MON2: variants seen among roughly 807,000 people sequenced by gnomAD.
MON2 encodes MON2 regulator of endosome-to-Golgi trafficking.
A neutral mutation model predicts 208.6 loss-of-function variants in MON2; 84 were observed. The observed-to-expected ratio is 0.40, with a 90% CI of 0.34 to 0.48. The LOEUF is 0.48. MON2 is among the 20% of genes least tolerant of loss of function. The pLI, the probability that MON2 is intolerant of heterozygous loss-of-function variation, is 0.59. For missense variants in MON2, 1,611 were observed against 2,015.4 expected, an observed-to-expected ratio of 0.80 and a Z score of 3.84; for synonymous variants, 660 against 694.0, an observed-to-expected ratio of 0.95 and a Z score of 0.77.
chr12:62,515,825 A>G (rs1022783772), intron 8 of MON2, among the ~76,000 whole-genome samples: 4 of 152,166 alleles, frequency 2.6e-5, no homozygotes, highest in African/African-American at 9.7e-5. Context: ...CAGGAAAAAA[A>G]AAAAAGTTCT....
Position 62,580,300 on chromosome 12 carries a change from G to A in MON2, c.4579G>A (p.Val1527Ile), listed in dbSNP as rs772059560. The stretch of plus-strand genomic sequence containing the variant: ...GCATTTGCCTCTTTTGTTTTAGGTA[G>A]TTCAACTTATCAGCAATGAGATACT... Reference protein sequence around the residue: ...QRNENIDVEVVQLISNEILPY... With the variant: ...QRNENIDVEVIQLISNEILPY... The change falls in exon 32 of 35, where the codon GTT becomes ATT. Residue 1527 changes from valine to isoleucine, a missense_variant. Coordinates refer to ENST00000393630, the MANE Select transcript of MON2 (RefSeq NM_015026.3). 14 of 1,609,700 alleles carry A rather than the reference G, an allele frequency of 8.7e-6. No homozygotes were observed. Among genetic ancestry groups the A allele is most frequent in the South Asian group, 2.2e-5 (2 of 90,218 alleles).
chr12:62,489,932 A>G (rs2070022718), intron 2 of MON2: 2 of 528,480 alleles, frequency 3.8e-6, no homozygotes, highest in Admixed American at 4.4e-5. Context: ...TAAGAATTGA[A>G]GTTTATTTTT....
In MON2 at chr12:62,518,050, A is replaced by T. The variant is rs73323300; in HGVS notation, c.985-6465A>T. 5.5e-3 allele frequency among the ~76,000 whole-genome samples: 839 copies of T among 152,302 alleles called. 9 individuals carry two copies. The highest frequency in any genetic ancestry group is 0.019 in the African/African-American group (789 of 41,562). On this transcript the variant is annotated intron_variant, in intron 8 of 34. Transcript: ENST00000393630. ...AAGTCTAAGATCAAGCTACTAGCAT[A>T]TCTGGTGTCTGGTAAGGGTGTACTT...
chr12:62,467,406 T>A (rs2068569910), intron 1 of MON2, 88 bp downstream of exon 1: 2 of 1,096,106 alleles, frequency 1.8e-6, no homozygotes, highest in Non-Finnish European at 2.7e-6. Context: ...CCAGTCCTAA[T>A]TTTCATTCAG....
intron 11 of MON2, among the ~76,000 whole-genome samples, chr12:62,529,618 T>C (rs1455701293): frequency 6.6e-6 from 1 of 152,174 alleles, no homozygotes; most frequent in Non-Finnish European, 1.5e-5. Context: ...CATGGTTTCA[T>C]TATATTACAA....
intron 8 of MON2, chr12:62,508,776 G>T: frequency 3.7e-6 from 1 of 270,120 alleles, no homozygotes; most frequent in Non-Finnish European, 7.0e-6. Context: ...CTCATTTGAA[G>T]GATTATTAAA....
At chr12:62,483,946 G>C (rs921146746) in intron 1 of MON2, among the ~76,000 whole-genome samples, 3 of 152,322 alleles carry the variant, frequency 2.0e-5, no homozygotes, top group Non-Finnish European at 2.9e-5. Context: ...ACATGTTGTA[G>C]TGCATTCAGA....
intron 6 of MON2, 51 bp downstream of exon 6, chr12:62,500,931 A>G: frequency 8.7e-7 from 1 of 1,152,646 alleles, no homozygotes; most frequent in Non-Finnish European, 1.2e-6. Flanking sequence ...GTTTTGTGTG[A>G]ATTTTTTAGT....
In MON2 at chr12:62,597,707, G is replaced by C. The variant is rs1284452984; in HGVS notation, c.*4958G>C. On this transcript the variant is annotated 3_prime_UTR_variant, in exon 35 of 35. Transcript: ENST00000393630. ...AATAATCATGTCTTTTCTGTTATGTGGGTAGAGAGATTATATATCTTTTCT... is the reference window on the plus strand; with the variant it reads ...AATAATCATGTCTTTTCTGTTATGTCGGTAGAGAGATTATATATCTTTTCT... The C allele has an allele frequency of 6.6e-6, 1 of 152,108 alleles. No homozygotes were observed. The highest frequency in any genetic ancestry group is 1.9e-4 in the East Asian group (1 of 5,194). 9.4% of individuals were successfully genotyped at this position (152,108 alleles called of 1,614,324 possible). A position where few individuals can be genotyped will look rare whatever the true frequency, so the allele number is the denominator to read the frequency against.
At position 62,524,617 on chromosome 12, in the gene MON2, T is replaced by G; in HGVS notation, c.1087T>G (p.Cys363Gly). ...AVAVESIHRF[C>G]VQPQLLRSFC... The stretch of plus-strand genomic sequence containing the variant: ...TGCGGTGGAATCAATACACAGATTC[T>G]GTGTGCAGCCTCAACTATTAAGGTA... Residue 363 changes from cysteine (C) to glycine (G), a missense_variant, in exon 9 of 35, where the codon TGT becomes GGT. Transcript: ENST00000393630. 6.2e-7 allele frequency: 1 copy of G among 1,613,466 alleles called. No individual in the cohort carries two copies.
chr12:62,592,250 CCT>C (rs1592494300), intron 34 of MON2, among the ~76,000 whole-genome samples: 1 of 152,118 alleles, frequency 6.6e-6, no homozygotes. Flanking sequence ...TACACTACAT[CCT>C]CTCGCAATTA....
At position 62,560,552 on chromosome 12, in the gene MON2, A is replaced by G. The variant is rs1565686155; in HGVS notation, c.3471A>G (p.Lys1157=). 1 of 1,613,862 alleles carries G rather than the reference A, an allele frequency of 6.2e-7. No homozygotes were observed. The highest frequency in any genetic ancestry group is 8.5e-7 in the Non-Finnish European group (1 of 1,180,000). ...LDHIQSAALS[K]NNEVSLAALK... is the part of the protein sequence containing the mutation. Reference sequence around the variant, plus strand: ...ATATACAGTCAGCAGCACTCAGCAAAAACAATGAAGTATCTCTGGCTGCTC... The same window carrying G: ...ATATACAGTCAGCAGCACTCAGCAAGAACAATGAAGTATCTCTGGCTGCTC... The change falls in exon 26 of 35, where the codon AAA becomes AAG. Residue 1157 remains lysine (K), a synonymous_variant. Coordinates refer to ENST00000393630, the MANE Select transcript of MON2 (RefSeq NM_015026.3).
intron 11 of MON2, among the ~76,000 whole-genome samples, chr12:62,530,053 T>TA (rs2072547665): frequency 6.6e-6 from 1 of 152,076 alleles, no homozygotes; most frequent in African/African-American, 2.4e-5. Context: ...TAAGTGTAGT[T>TA]ACCCGACTGA....
At chr12:62,568,282 C>T (rs2074457146) in intron 29 of MON2, among the ~76,000 whole-genome samples, 1 of 152,124 alleles carries the variant, frequency 6.6e-6, no homozygotes, top group Admixed American at 6.6e-5. Flanking sequence ...TAAGATCAGA[C>T]TTTATTCTTT....
intron 8 of MON2, among the ~76,000 whole-genome samples, chr12:62,510,340 A>C (rs1002422546): frequency 3.3e-5 from 5 of 152,180 alleles, no homozygotes; most frequent in Non-Finnish European, 5.9e-5. Flanking sequence ...CAAGGAAAAA[A>C]AAACAGATCA....
chr12:62,486,363 T>TC (rs1251927110), intron 2 of MON2, among the ~76,000 whole-genome samples: 2 of 151,820 alleles, frequency 1.3e-5, no homozygotes, highest in Non-Finnish European at 2.9e-5. Context: ...TTTGACTTAG[T>TC]CGGTATGATT....
chr12:62,553,259 A>T (rs1424485598), intron 24 of MON2, 85 bp downstream of exon 24: 1 of 1,258,236 alleles, frequency 7.9e-7, no homozygotes, highest in Non-Finnish European at 1.1e-6. Flanking sequence ...ATTTCTTTTA[A>T]TTTTTAAAGA....
At chr12:62,537,130 A>T in intron 14 of MON2, 21 bp from the exon 15 acceptor site, 1 of 1,375,438 alleles carries the variant, frequency 7.3e-7, no homozygotes, top group Non-Finnish European at 1.0e-6. Flanking sequence ...TTAATTATTT[A>T]GGCTTTCCTT....
In MON2 at chr12:62,493,764, T is replaced by C; in HGVS notation, c.176-151T>C. On this transcript the variant is annotated intron_variant, in intron 2 of 34. Coordinates refer to ENST00000393630, the MANE Select transcript of MON2 (RefSeq NM_015026.3). Reference sequence around the variant, plus strand: ...TCTGGAGTGTCTGTCCAAGGTATTTTAACTCTTGGTACTTGATTTTTGTTT... The same window carrying C: ...TCTGGAGTGTCTGTCCAAGGTATTTCAACTCTTGGTACTTGATTTTTGTTT... 5 of 515,968 alleles carry C rather than the reference T, an allele frequency of 9.7e-6. No individual in the cohort carries two copies. In the South Asian group the frequency reaches 1.8e-4, roughly 19 times the overall value. The allele number at this position is 515,968 out of a possible 1,614,324, so 32.0% of individuals were successfully genotyped here.
Sources: gnomAD v4.1 joint callset for allele counts (sites outside exome capture counted in the v4.1 genomes callset) on GRCh38, gnomAD v4.1.1 for gene constraint, MANE v1.5 for transcripts, NCBI Gene and HGNC (gene_info 2026-07-23, HGNC 2026-07-21) for gene names.